The following MAGI2 variants were observed in gnomAD, a reference collection of about 807,000 sequenced individuals.
MAGI2 encodes membrane associated guanylate kinase, WW and PDZ domain containing 2.
Under a neutral mutation model 133.3 loss-of-function variants are expected in MAGI2, and 35 were observed. The ratio of observed to expected loss-of-function variants is 0.26; its 90% CI spans 0.20 to 0.35. The LOEUF (loss-of-function observed/expected upper bound fraction) is 0.35. Among genes scored for constraint, MAGI2 ranks in the 10% least tolerant of loss-of-function variants. The pLI, the probability that MAGI2 is intolerant of heterozygous loss-of-function variation, is 1.00. For synonymous variants in MAGI2, 729 were observed against 710.6 expected (o/e 1.03, Z -0.41); for missense variants, 1,636 against 1,863.4 (o/e 0.88, Z 2.25).
chr7:79,198,265 CA>C (rs200259353), intron 1 of MAGI2, among the ~76,000 whole-genome samples: 26 of 134,224 alleles, frequency 1.9e-4, no homozygotes, highest in Admixed American at 8.3e-4. Context: ...AACAAACAAA[CA>C]AACAACAACA....
intron 3 of MAGI2, among the ~76,000 whole-genome samples, chr7:78,525,845 C>G (rs1796902803): frequency 6.6e-6 from 1 of 152,198 alleles, no homozygotes; most frequent in Non-Finnish European, 1.5e-5. Flanking sequence ...ACGTGCTAAC[C>G]TGCACACCGT....
chr7:78,594,517 G>A (rs1004694386), intron 3 of MAGI2, among the ~76,000 whole-genome samples: 1 of 152,138 alleles, frequency 6.6e-6, no homozygotes, highest in African/African-American at 2.4e-5. Flanking sequence ...GCATGCAGTG[G>A]TGTGATCTTG....
chr7:79,202,349 G>A (rs1828683060), intron 1 of MAGI2, among the ~76,000 whole-genome samples: 1 of 151,868 alleles, frequency 6.6e-6, no homozygotes, highest in African/African-American at 2.4e-5. Context: ...GAATGAGGAA[G>A]CCTGAATTTA....
intron 6 of MAGI2, among the ~76,000 whole-genome samples, chr7:78,466,797 G>A (rs1790681134): frequency 6.6e-6 from 1 of 152,112 alleles, no homozygotes; most frequent in South Asian, 2.1e-4. Context: ...GCATAGGGTT[G>A]CGTGACTGGG....
chr7:79,223,560 G>A (rs1830620364), intron 1 of MAGI2, among the ~76,000 whole-genome samples: 1 of 151,854 alleles, frequency 6.6e-6, no homozygotes, highest in Admixed American at 6.6e-5. Flanking sequence ...AGGTGCAGTG[G>A]TTCACGCCTA....
At chr7:78,377,775 T>C (rs955054173) in intron 6 of MAGI2, among the ~76,000 whole-genome samples, 1 of 151,676 alleles carries the variant, frequency 6.6e-6, no homozygotes. Context: ...CCTTTACTTT[T>C]GCTTACATGA....
At chr7:78,294,841 A>G (rs1797070727) in intron 9 of MAGI2, among the ~76,000 whole-genome samples, 1 of 152,282 alleles carries the variant, frequency 6.6e-6, no homozygotes, top group Admixed American at 6.5e-5. Context: ...GCTGAATTGC[A>G]TTTAAAAAAA....
chr7:78,928,208 G>A (rs1799858069), intron 2 of MAGI2, among the ~76,000 whole-genome samples: 1 of 151,812 alleles, frequency 6.6e-6, no homozygotes, highest in Non-Finnish European at 1.5e-5. Flanking sequence ...GCCTGAAATT[G>A]TATCTGCTGT....
intron 2 of MAGI2, among the ~76,000 whole-genome samples, chr7:78,706,396 A>C (rs573541784): frequency 2.5e-4 from 38 of 152,078 alleles, no homozygotes; most frequent in Non-Finnish European, 4.3e-4. Context: ...CTTCCCAGCT[A>C]TGTGCAACTG....
chr7:78,324,129 A>C (rs1021896155), intron 9 of MAGI2, among the ~76,000 whole-genome samples: 3 of 134,112 alleles, frequency 2.2e-5, no homozygotes, highest in Non-Finnish European at 4.7e-5. Flanking sequence ...TAATTGACAC[A>C]CTACACTACA....
At chr7:78,955,723 C>CTCTT (rs1158477695) in intron 2 of MAGI2, among the ~76,000 whole-genome samples, 2,150 of 83,332 alleles carry the variant, frequency 0.026, 43 homozygotes, top group East Asian at 0.045. Flanking sequence ...TTCTTTCTTT[C>CTCTT]TCTTTCTTTC....
chr7:78,065,236 G>A (rs904339940), intron 21 of MAGI2, among the ~76,000 whole-genome samples: 2 of 152,154 alleles, frequency 1.3e-5, no homozygotes, highest in Admixed American at 6.5e-5. Context: ...TTGGCTGAGA[G>A]GAAACAAATT....
At chr7:79,433,477 C>CGGGA (rs1447010480) in intron 1 of MAGI2, among the ~76,000 whole-genome samples, 2 of 151,556 alleles carry the variant, frequency 1.3e-5, no homozygotes, top group Non-Finnish European at 2.9e-5. Flanking sequence ...GGCGTGCACC[C>CGGGA]GGGAGGCGGA....
intron 10 of MAGI2, among the ~76,000 whole-genome samples, chr7:78,219,756 C>T (rs568964385): frequency 3.3e-5 from 5 of 152,190 alleles, no homozygotes; most frequent in Non-Finnish European, 7.3e-5. Context: ...TCCATTCCAT[C>T]CTCCCTTTCA....
intron 3 of MAGI2, among the ~76,000 whole-genome samples, chr7:78,622,080 C>G (rs1190097623): frequency 6.6e-6 from 1 of 151,992 alleles, no homozygotes; most frequent in East Asian, 1.9e-4. Context: ...TAAGTAGTTT[C>G]TAATATCCCT....
At chr7:78,109,103 G>T (rs1447322807) in intron 20 of MAGI2, among the ~76,000 whole-genome samples, 1 of 151,188 alleles carries the variant, frequency 6.6e-6, no homozygotes, top group Non-Finnish European at 1.5e-5. Context: ...AGGAGATTGA[G>T]ACCATCCTGG....
In MAGI2 at chr7:78,952,462, C is replaced by A. The variant is rs114088090; in HGVS notation, c.418+54628G>T. 3.0e-3 allele frequency among the ~76,000 whole-genome samples: 463 copies of A among 152,134 alleles called. 2 individuals carry two copies. The highest frequency in any genetic ancestry group is 8.2e-3 in the African/African-American group (341 of 41,520). ...GTATTTTTTCATTAATTCATTAATT[C>A]ATTCATTCATTTATTCATTTGTACA... On this transcript the variant is annotated intron_variant, in intron 2 of 21. Transcript: ENST00000354212.
At chr7:78,286,973 G>A (rs1205952404) in intron 9 of MAGI2, among the ~76,000 whole-genome samples, 1 of 152,196 alleles carries the variant, frequency 6.6e-6, no homozygotes, top group Admixed American at 6.6e-5. Context: ...TGCGACATAA[G>A]GCTGCACATG....
chr7:78,796,272 T>C (rs568110202), intron 2 of MAGI2, among the ~76,000 whole-genome samples: 24 of 152,078 alleles, frequency 1.6e-4, no homozygotes, highest in African/African-American at 5.8e-4. Context: ...TATAAGGAAC[T>C]CAAACAACTC....
Sources: gnomAD v4.1 joint callset for allele counts (sites outside exome capture counted in the v4.1 genomes callset) on GRCh38, gnomAD v4.1.1 for gene constraint, MANE v1.5 for transcripts, NCBI Gene and HGNC (gene_info 2026-07-23, HGNC 2026-07-21) for gene names.